Variants in PDSS1 observed in about 807,000 individuals in gnomAD.
PDSS1 encodes decaprenyl diphosphate synthase subunit 1.
PDSS1 carries 43 observed loss-of-function variants against 57.5 expected under a neutral mutation model. The ratio of observed to expected loss-of-function variants is 0.75; its 90% CI spans 0.59 to 0.96. The LOEUF is 0.96. PDSS1 is among the 50% of genes least tolerant of loss of function. The pLI is 0.00. For missense variants in PDSS1, 438 were observed against 527.8 expected (o/e 0.83, Z 1.67); for synonymous variants, 175 against 191.3 (o/e 0.91, Z 0.70).
intron 8 of PDSS1, among the ~76,000 whole-genome samples, chr10:26,734,882 A>T (rs1482311881): frequency 6.6e-6 from 1 of 152,214 alleles, no homozygotes; most frequent in Non-Finnish European, 1.5e-5. Flanking sequence ...TCAGTATTTC[A>T]CAGATGGGGG....
chr10:26,721,889 T>G (rs1491001232), intron 6 of PDSS1, among the ~76,000 whole-genome samples: 4 of 152,222 alleles, frequency 2.6e-5, no homozygotes, highest in Non-Finnish European at 5.9e-5. Context: ...AGCCATCTGC[T>G]TAGCACAGGG....
chr10:26,729,611 A>G (rs556629692), intron 8 of PDSS1, among the ~76,000 whole-genome samples: 3 of 152,280 alleles, frequency 2.0e-5, no homozygotes, highest in Admixed American at 2.0e-4. Flanking sequence ...TTCATGACTC[A>G]TATCTCTGTG....
intron 4 of PDSS1, among the ~76,000 whole-genome samples, chr10:26,708,947 C>T (rs1341849401): frequency 2.0e-5 from 3 of 152,236 alleles, no homozygotes; most frequent in Admixed American, 6.5e-5. Context: ...TTTCTCTTCC[C>T]GCCTCCATCT....
In PDSS1 at chr10:26,746,323, T is replaced by TATC. The variant is rs779407167; in HGVS notation, c.1108-9_1108-7dup. On this transcript the variant is annotated splice_polypyrimidine_tract_variant and intron_variant, in intron 11 of 11. Transcript: ENST00000376215. ...CAGGCATCTGTTCTGTTTTGTTCTG[T>TATC]ATCTTATAGAGTGATGGTGTGCAAC... 6 of 1,614,044 alleles carry TATC rather than the reference T, an allele frequency of 3.7e-6. No individual in the cohort carries two copies. The highest frequency in any genetic ancestry group is 4.5e-5 in the East Asian group (2 of 44,868).
chr10:26,740,503 T>C, intron 10 of PDSS1: 2 of 406,744 alleles, frequency 4.9e-6, no homozygotes, highest in Non-Finnish European at 9.9e-6. Context: ...AGAGCTTTGT[T>C]CTGACACATA....
chr10:26,701,529 CAG>C (rs1835051893), intron 1 of PDSS1, among the ~76,000 whole-genome samples: 1 of 152,206 alleles, frequency 6.6e-6, no homozygotes, highest in Non-Finnish European at 1.5e-5. Flanking sequence ...GCCATTGCTT[CAG>C]AGGGTATAAG....
At chr10:26,722,635 A>C (rs143650988) in intron 6 of PDSS1, among the ~76,000 whole-genome samples, 3,179 of 151,892 alleles carry the variant, frequency 0.021, 111 homozygotes, top group African/African-American at 0.072. Flanking sequence ...ACCCAGGAGG[A>C]AGAGTCTGCA....
At chr10:26,726,142 GT>G (rs1162251317) in intron 8 of PDSS1, among the ~76,000 whole-genome samples, 2 of 152,130 alleles carry the variant, frequency 1.3e-5, no homozygotes, top group Non-Finnish European at 2.9e-5. Context: ...TGTGGTCACT[GT>G]TTTCTGTTTA....
intron 8 of PDSS1, among the ~76,000 whole-genome samples, chr10:26,724,502 TTAATA>T (rs1476485866): frequency 6.6e-6 from 1 of 152,340 alleles, no homozygotes; most frequent in East Asian, 1.9e-4. Context: ...GCTCTGTTCT[TTAATA>T]TAATATTTAC....
chr10:26,727,340 C>CTTTTTTTTTTTT (rs71403885), intron 8 of PDSS1, among the ~76,000 whole-genome samples: 93 of 100,608 alleles, frequency 9.2e-4, no homozygotes, highest in African/African-American at 3.3e-3. Context: ...CTCTCTCTCT[C>CTTTTTTTTTTTT]TTTTTTTTTT....
chr10:26,711,334 C>T (rs892808724), intron 5 of PDSS1, among the ~76,000 whole-genome samples: 1 of 98,390 alleles, frequency 1.0e-5, no homozygotes, highest in African/African-American at 3.3e-5. Flanking sequence ...AATTTAATGA[C>T]GCTGTAAGAA....
intron 5 of PDSS1, among the ~76,000 whole-genome samples, chr10:26,712,188 A>G (rs1198191130): frequency 2.1e-5 from 2 of 95,832 alleles, no homozygotes; most frequent in African/African-American, 6.8e-5. Flanking sequence ...TTTAGTAGAG[A>G]TAGGATTTCG....
In PDSS1 at chr10:26,712,418, C is replaced by T. The variant is rs935501770; in HGVS notation, c.467+2650C>T. On this transcript the variant is annotated intron_variant, in intron 5 of 11. Transcript: ENST00000376215. ...TAAATAGTAAGTTCACTACTGCCCT[C>T]TCCAGGGAATGTCAGAGCTGCAGCC... Among the ~76,000 whole-genome samples the T allele has an allele frequency of 3.0e-5, 3 of 100,190 alleles. 1 individual carries two copies. 65.7% of individuals were successfully genotyped at this position (100,190 alleles called of 152,430 possible). A position where few individuals can be genotyped will look rare whatever the true frequency, so the allele number is the denominator to read the frequency against.
chr10:26,722,662 C>A (rs2132266328), intron 6 of PDSS1, among the ~76,000 whole-genome samples: 1 of 151,592 alleles, frequency 6.6e-6, no homozygotes, highest in African/African-American at 2.4e-5. Flanking sequence ...CGAGGTCATG[C>A]CACTGTACTC....
intron 8 of PDSS1, among the ~76,000 whole-genome samples, chr10:26,727,669 CT>C (rs56938903): frequency 8.8e-5 from 13 of 146,946 alleles, no homozygotes; most frequent in African/African-American, 7.5e-5. Context: ...CACCTGGCCT[CT>C]TTTTTTTTTA....
chr10:26,721,399 T>C (rs1835777956), intron 6 of PDSS1, among the ~76,000 whole-genome samples: 1 of 143,818 alleles, frequency 7.0e-6, no homozygotes, highest in African/African-American at 2.5e-5. Flanking sequence ...TTAATTCTCC[T>C]TATTAAAAGA....
intron 5 of PDSS1, among the ~76,000 whole-genome samples, chr10:26,713,787 C>T (rs955555053): frequency 3.3e-5 from 5 of 152,300 alleles, no homozygotes; most frequent in African/African-American, 9.6e-5. Flanking sequence ...CGTCAGTGCA[C>T]GACTCTGCCC....
chr10:26,707,098 G>T (rs531940605), intron 4 of PDSS1, among the ~76,000 whole-genome samples: 1 of 152,276 alleles, frequency 6.6e-6, no homozygotes, highest in East Asian at 1.9e-4. Context: ...TTCCCTTGGG[G>T]TGGGCTGCCC....
At position 26,746,673 on chromosome 10, in the gene PDSS1, A is replaced by C. The variant is rs1836953783; in HGVS notation, c.*200A>C. 1.7e-6 allele frequency: 1 copy of C among 571,580 alleles called. No homozygotes were observed. Among genetic ancestry groups the C allele is most frequent in the Non-Finnish European group, 3.1e-6 (1 of 320,534 alleles). 35.4% of individuals were successfully genotyped at this position (571,580 alleles called of 1,614,324 possible). On this transcript the variant is annotated 3_prime_UTR_variant, in exon 12 of 12. Coordinates refer to ENST00000376215, the MANE Select transcript of PDSS1 (RefSeq NM_014317.5). ...TAAATGTAATTAATAAACCACCTGAATCTGTCATTCTAGTCCTATAAATTA... is the reference window on the plus strand; with the variant it reads ...TAAATGTAATTAATAAACCACCTGACTCTGTCATTCTAGTCCTATAAATTA...
Sources: allele counts gnomAD v4.1 joint callset (sites outside exome capture counted in the v4.1 genomes callset), GRCh38; gene constraint gnomAD v4.1.1; transcripts MANE v1.5; gene names NCBI Gene and HGNC (gene_info 2026-07-23, HGNC 2026-07-21).